The following ABCC1 variants were observed in gnomAD, a reference collection of about 807,000 sequenced individuals.
ABCC1 encodes the protein multidrug resistance-associated protein 1.
Under a neutral mutation model 172.9 loss-of-function variants are expected in ABCC1, and 83 were observed. That is an observed-to-expected ratio of 0.48 (90% CI 0.40 to 0.58). The LOEUF is 0.58. ABCC1 is among the 20% of genes least tolerant of loss of function. The pLI is 0.00. For missense variants in ABCC1, 1,817 were observed against 2,002.7 expected (o/e 0.91, Z 1.77); for synonymous variants, 937 against 825.2 (o/e 1.14, Z -2.32).
chr16:16,084,522 C>T (rs1382172415), intron 17 of ABCC1, among the ~76,000 whole-genome samples: 1 of 146,592 alleles, frequency 6.8e-6, no homozygotes, highest in Non-Finnish European at 1.5e-5. Flanking sequence ...TGCCACCACG[C>T]ACAGCTAATT....
At chr16:16,124,621 G>A (rs142441624) in intron 24 of ABCC1, among the ~76,000 whole-genome samples, 168 bp from the exon 25 acceptor site, 7 of 152,188 alleles carry the variant, frequency 4.6e-5, no homozygotes, top group East Asian at 3.9e-4. Context: ...CCTACCCTGC[G>A]CCCATTGTGC....
intron 16 of ABCC1, among the ~76,000 whole-genome samples, chr16:16,081,830 A>G (rs1388249764): frequency 1.3e-5 from 2 of 151,948 alleles, no homozygotes; most frequent in Non-Finnish European, 2.9e-5. Context: ...GACCAGCCTG[A>G]CCAGCATGGC....
At chr16:16,017,330 A>AC (rs2151767262) in intron 5 of ABCC1, among the ~76,000 whole-genome samples, 1 of 152,238 alleles carries the variant, frequency 6.6e-6, no homozygotes, top group East Asian at 1.9e-4. Flanking sequence ...TCCTGGGCTC[A>AC]AGCAATCTTC....
intron 19 of ABCC1, among the ~76,000 whole-genome samples, chr16:16,096,001 T>A (rs1033450253): frequency 6.6e-6 from 1 of 152,126 alleles, no homozygotes; most frequent in Non-Finnish European, 1.5e-5. Context: ...AAAAGGTGGC[T>A]CATATGTGTA....
At chr16:15,981,358 A>G (rs1343038142) in intron 1 of ABCC1, among the ~76,000 whole-genome samples, 1 of 152,182 alleles carries the variant, frequency 6.6e-6, no homozygotes, top group East Asian at 1.9e-4. Context: ...GAGGTTCTCC[A>G]TGAGGGCTCC....
intron 1 of ABCC1, among the ~76,000 whole-genome samples, chr16:15,998,791 G>C (rs963444027): frequency 2.6e-5 from 4 of 152,128 alleles, no homozygotes; most frequent in Non-Finnish European, 5.9e-5. Context: ...TTTCTTGCTT[G>C]AAAGGACAAC....
At chr16:15,972,787 CT>C (rs35086205) in intron 1 of ABCC1, among the ~76,000 whole-genome samples, 13,117 of 88,834 alleles carry the variant, frequency 0.15, 371 homozygotes, top group African/African-American at 0.2. Flanking sequence ...TATTTTTTAA[CT>C]TTTTTTTTTT....
At chr16:16,106,999 T>A (rs2052151300) in intron 21 of ABCC1, 126 bp downstream of exon 21, 5 of 1,343,590 alleles carry the variant, frequency 3.7e-6, no homozygotes, top group Non-Finnish European at 4.1e-6. Flanking sequence ...CCTGTGAAGA[T>A]ACTATTTGCA....
intron 12 of ABCC1, among the ~76,000 whole-genome samples, chr16:16,066,777 GCCTATAAT>G (rs2050128613): frequency 1.3e-5 from 2 of 151,702 alleles, no homozygotes; most frequent in South Asian, 4.2e-4. Flanking sequence ...GGTGGTGGGC[GCCTATAAT>G]CCCAGCTACT....
chr16:16,089,682 C>T (rs1443112786), intron 18 of ABCC1, among the ~76,000 whole-genome samples: 2 of 152,092 alleles, frequency 1.3e-5, no homozygotes, highest in African/African-American at 2.4e-5. Flanking sequence ...CCAGCCTGGG[C>T]AACATGGTGA....
At chr16:16,028,692 G>A (rs879766548) in intron 5 of ABCC1, among the ~76,000 whole-genome samples, 2 of 152,058 alleles carry the variant, frequency 1.3e-5, no homozygotes, top group African/African-American at 2.4e-5. Flanking sequence ...TCCGCTTTAC[G>A]ACACAGTCCC....
Position 16,052,704 on chromosome 16 carries a change from A to G in ABCC1, c.1381-20A>G, listed in dbSNP as rs1458910576. On this transcript the variant is annotated intron_variant, in intron 10 of 30. Coordinates refer to ENST00000399410, the MANE Select transcript of ABCC1 (RefSeq NM_004996.4). ...TTCTTCTGTCTGGTGAGTGATGAAG[A>G]GTCTCCTTTCCTTCCTTAGAATCTG... 2 of 1,611,612 alleles carry G rather than the reference A, an allele frequency of 1.2e-6. No individual in the cohort carries two copies. The highest frequency in any genetic ancestry group is 1.7e-6 in the Non-Finnish European group (2 of 1,177,920).
chr16:15,976,724 T>C (rs1054325242), intron 1 of ABCC1, among the ~76,000 whole-genome samples: 1 of 152,210 alleles, frequency 6.6e-6, no homozygotes, highest in African/African-American at 2.4e-5. Context: ...ATAGTAGTGA[T>C]AATACTATGG....
At chr16:15,999,809 CCTCTCT>C (rs1555478343) in intron 1 of ABCC1, among the ~76,000 whole-genome samples, 1 of 8,358 alleles carries the variant, frequency 1.2e-4, no homozygotes, top group African/African-American at 2.7e-4. Context: ...CTCTCTCTCT[CCTCTCT>C]CTCTCTCTCT....
At chr16:15,999,836 CTCTTTCTTTCTTTCTT>C (rs375541317) in intron 1 of ABCC1, among the ~76,000 whole-genome samples, 303 of 16,842 alleles carry the variant, frequency 0.018, 21 homozygotes, top group African/African-American at 0.063. Flanking sequence ...CTCTCTCTGT[CTCTTTCTTTCTTTCTT>C]TCTTTCTTTC....
At chr16:16,010,542 C>T (rs961733393) in intron 3 of ABCC1, among the ~76,000 whole-genome samples, 1 of 152,104 alleles carries the variant, frequency 6.6e-6, no homozygotes, top group Admixed American at 6.6e-5. Context: ...CACTATCTGG[C>T]ATAGGGGGTG....
chr16:16,087,800 A>C (rs1052965193), intron 18 of ABCC1, among the ~76,000 whole-genome samples: 1 of 152,082 alleles, frequency 6.6e-6, no homozygotes, highest in Non-Finnish European at 1.5e-5. Context: ...CATGGGGGGC[A>C]TATAGATTAA....
In ABCC1 at chr16:16,026,464, C is replaced by CTTTTTTTTTTTTTTT. The variant is rs1491397616; in HGVS notation, c.616-6645_616-6644insTTTTTTTTTTTTTTT. Among the ~76,000 whole-genome samples, 25 of 102,292 alleles carry CTTTTTTTTTTTTTTT rather than the reference C, an allele frequency of 2.4e-4. 2 individuals carry two copies. Among genetic ancestry groups the CTTTTTTTTTTTTTTT allele is most frequent in the African/African-American group, 7.0e-4 (20 of 28,720 alleles). The allele number at this position is 102,292 out of a possible 152,430, so 67.1% of individuals were successfully genotyped here. On this transcript the variant is annotated intron_variant, in intron 5 of 30. Transcript: ENST00000399410. ...AAAAAAAAAAAAAAAAAGGCTATTT[C>CTTTTTTTTTTTTTTT]CTTTTTTTTTTTTTTTTTTTTTTTG...
Position 16,111,497 on chromosome 16 carries a change from C to G in ABCC1, c.2994C>G (p.Leu998=). 6.2e-7 allele frequency: 1 copy of G among 1,614,196 alleles called. No individual in the cohort carries two copies. The highest frequency in any genetic ancestry group is 8.5e-7 in the Non-Finnish European group (1 of 1,180,042). ...TGGCTTCCAACTATTGGCTCAGCCT[C>G]TGGACTGATGACCCCATCGTCAACG... is the stretch of plus-strand genomic sequence containing the variant. ...SALASNYWLS[L]WTDDPIVNGT... The change falls in exon 22 of 31, where the codon CTC becomes CTG. Residue 998 remains leucine (L), a synonymous_variant. Transcript: ENST00000399410.
Sources: allele counts gnomAD v4.1 joint callset (sites outside exome capture counted in the v4.1 genomes callset), GRCh38; gene constraint gnomAD v4.1.1; transcripts MANE v1.5; gene names NCBI Gene and HGNC (gene_info 2026-07-23, HGNC 2026-07-21).